Variants in COG5 observed in about 807,000 individuals in gnomAD.
The protein encoded by COG5 is component of oligomeric golgi complex 5.
In COG5, 86 loss-of-function variants were observed where a neutral mutation model predicts 110.4. The ratio of observed to expected loss-of-function variants is 0.78; its 90% CI spans 0.65 to 0.93. COG5 has a LOEUF of 0.93. Ranked by LOEUF, COG5 falls within the 40% of genes least tolerant of loss-of-function variation. COG5 has a pLI of 0.00. For synonymous variants in COG5, 360 were observed against 334.6 expected (o/e 1.08, Z -0.83); for missense variants, 1,077 against 987.0 (o/e 1.09, Z -1.22).
intron 6 of COG5, among the ~76,000 whole-genome samples, chr7:107,449,930 G>C (rs965228401): frequency 6.6e-6 from 1 of 152,154 alleles, no homozygotes; most frequent in Non-Finnish European, 1.5e-5. Flanking sequence ...GAAATAGTGA[G>C]GTCATATGAC....
At chr7:107,537,752 A>AG (rs1047724001) in intron 5 of COG5, among the ~76,000 whole-genome samples, 2 of 151,756 alleles carry the variant, frequency 1.3e-5, no homozygotes, top group Admixed American at 1.3e-4. Context: ...AAAAAAAGAA[A>AG]GAAAAAAAAA....
At chr7:107,241,850 G>A (rs376494054) in intron 17 of COG5, among the ~76,000 whole-genome samples, 4 of 152,010 alleles carry the variant, frequency 2.6e-5, no homozygotes, top group Non-Finnish European at 5.9e-5. Flanking sequence ...GCATGATTAC[G>A]GCTCACTGCA....
intron 19 of COG5, among the ~76,000 whole-genome samples, chr7:107,225,341 G>A (rs1246344097): frequency 2.0e-5 from 3 of 151,788 alleles, no homozygotes; most frequent in African/African-American, 7.3e-5. Context: ...GAAAAACAAT[G>A]CAAGAGAGAT....
chr7:107,562,982 A>C (rs751652379), intron 1 of COG5, among the ~76,000 whole-genome samples: 3 of 152,206 alleles, frequency 2.0e-5, no homozygotes, highest in Non-Finnish European at 2.9e-5. Context: ...TATACAAATG[A>C]TTTTAGTACA....
chr7:107,539,257 G>C lies in COG5; in HGVS notation c.417+8854C>G, dbSNP rs565097875. Among the ~76,000 whole-genome samples the C allele has an allele frequency of 2.0e-5, 3 of 152,250 alleles. No homozygotes were observed. In the South Asian group the frequency reaches 6.2e-4, roughly 32 times the overall value. On this transcript the variant is annotated intron_variant, in intron 5 of 21. Transcript: ENST00000297135. ...CAACAACAACAAAGCAACGTATAAT[G>C]AAACCCAGTTTTTTCCTCCTCAGTG...
intron 3 of COG5, among the ~76,000 whole-genome samples, chr7:107,551,661 A>C (rs1489794551): frequency 1.3e-5 from 2 of 152,210 alleles, no homozygotes; most frequent in Admixed American, 6.5e-5. Flanking sequence ...TCTGTCACCC[A>C]GGCTGGAGGG....
At chr7:107,466,467 G>A (rs1161876030) in intron 6 of COG5, among the ~76,000 whole-genome samples, 1 of 152,154 alleles carries the variant, frequency 6.6e-6, no homozygotes, top group Non-Finnish European at 1.5e-5. Flanking sequence ...GGAAGGATGG[G>A]AAAGAATGGC....
At chr7:107,211,265 A>G in intron 19 of COG5, 40 bp from the exon 20 acceptor site, 1 of 1,603,780 alleles carries the variant, frequency 6.2e-7, no homozygotes, top group Middle Eastern at 1.7e-4. Context: ...ACTGTTCAAT[A>G]CTGAAATAGG....
intron 6 of COG5, among the ~76,000 whole-genome samples, chr7:107,466,114 G>A (rs1224234143): frequency 6.6e-6 from 1 of 152,126 alleles, no homozygotes; most frequent in Non-Finnish European, 1.5e-5. Context: ...GGCTATTTGT[G>A]TAGTTCCTTG....
chr7:107,558,355 T>C (rs1046961644), intron 1 of COG5, among the ~76,000 whole-genome samples: 2 of 152,142 alleles, frequency 1.3e-5, no homozygotes, highest in Admixed American at 6.5e-5. Context: ...CCCAGCACTT[T>C]GGGAGGCCGA....
At chr7:107,494,648 T>C (rs1485412414) in intron 6 of COG5, among the ~76,000 whole-genome samples, 2 of 152,208 alleles carry the variant, frequency 1.3e-5, no homozygotes, top group Middle Eastern at 3.2e-3. Flanking sequence ...TACACAAAGA[T>C]GAATCACCTA....
intron 1 of COG5, among the ~76,000 whole-genome samples, chr7:107,559,882 T>G (rs534552227): frequency 6.6e-6 from 1 of 152,212 alleles, no homozygotes; most frequent in Non-Finnish European, 1.5e-5. Context: ...ACATGTATAT[T>G]GGACAGAAAT....
intron 11 of COG5, among the ~76,000 whole-genome samples, chr7:107,315,578 T>A (rs1294921541): frequency 6.7e-6 from 1 of 149,036 alleles, no homozygotes; most frequent in Non-Finnish European, 1.5e-5. Flanking sequence ...TTTTTTTTTT[T>A]AACTAAGCAT....
intron 19 of COG5, among the ~76,000 whole-genome samples, chr7:107,226,771 C>T (rs1414331590): frequency 6.6e-6 from 1 of 152,112 alleles, no homozygotes; most frequent in Non-Finnish European, 1.5e-5. Flanking sequence ...AATCCTAATC[C>T]TACGCTTTTT....
At chr7:107,520,483 A>T (rs1264796190) in intron 6 of COG5, among the ~76,000 whole-genome samples, 1 of 152,188 alleles carries the variant, frequency 6.6e-6, no homozygotes, top group Non-Finnish European at 1.5e-5. Flanking sequence ...AATCACAAGC[A>T]TTCCTATACA....
At chr7:107,556,598 G>A (rs951652145) in intron 2 of COG5, among the ~76,000 whole-genome samples, 5 of 152,012 alleles carry the variant, frequency 3.3e-5, no homozygotes, top group Non-Finnish European at 4.4e-5. Flanking sequence ...CATTATCCCC[G>A]CTCTCATAAA....
intron 10 of COG5, among the ~76,000 whole-genome samples, chr7:107,343,751 G>C (rs1446238636): frequency 6.6e-6 from 1 of 152,028 alleles, no homozygotes; most frequent in African/African-American, 2.4e-5. Flanking sequence ...TTAATCATGG[G>C]CTGTAGAATG....
At position 107,283,917 on chromosome 7, in the gene COG5, A is replaced by G. The variant is rs111536833; in HGVS notation, c.1314-185T>C. ...CAATATATTTCATAATTAAACATTC[A>G]GGACCATAGTAACCTTTTTTTTTTT... On this transcript the variant is annotated intron_variant, in intron 12 of 21. Transcript: ENST00000297135. 7.4e-5 allele frequency among the ~76,000 whole-genome samples: 11 copies of G among 148,704 alleles called. 3 individuals carry two copies. Among genetic ancestry groups the G allele is most frequent in the African/African-American group, 2.7e-4 (11 of 41,024 alleles).
intron 14 of COG5, among the ~76,000 whole-genome samples, chr7:107,264,457 T>A (rs565021123): frequency 9.7e-4 from 147 of 152,212 alleles, no homozygotes; most frequent in African/African-American, 3.3e-3. Context: ...CTTTGGAGAC[T>A]GAGGCAGGAG....
Sources: gnomAD v4.1 joint callset for allele counts (sites outside exome capture counted in the v4.1 genomes callset) on GRCh38, gnomAD v4.1.1 for gene constraint, MANE v1.5 for transcripts, NCBI Gene and HGNC (gene_info 2026-07-23, HGNC 2026-07-21) for gene names.